The following COL22A1 variants were observed in gnomAD, a reference collection of about 807,000 sequenced individuals.
The protein encoded by COL22A1 is collagen type XXII alpha 1 chain.
In COL22A1, 221 loss-of-function variants were observed where a neutral mutation model predicts 248.9. The ratio of observed to expected loss-of-function variants is 0.89; its 90% CI spans 0.80 to 0.99. The LOEUF (loss-of-function observed/expected upper bound fraction) is 0.99, where lower values mean the gene tolerates loss of function less well. Among genes scored for constraint, COL22A1 ranks in the 50% least tolerant of loss-of-function variants. The pLI is 0.00. For synonymous variants in COL22A1, 891 were observed against 793.4 expected, an observed-to-expected ratio of 1.12 and a Z score of -2.07; for missense variants, 2,240 against 2,179.0, an observed-to-expected ratio of 1.03 and a Z score of -0.56.
At chr8:138,829,028 G>A (rs895994077) in intron 5 of COL22A1, among the ~76,000 whole-genome samples, 1 of 152,234 alleles carries the variant, frequency 6.6e-6, no homozygotes, top group Non-Finnish European at 1.5e-5. Context: ...GACAGGAAGG[G>A]AAGTGGGGAG....
chr8:138,758,053 C>T (rs745774131), intron 18 of COL22A1, among the ~76,000 whole-genome samples: 48 of 152,208 alleles, frequency 3.2e-4, no homozygotes, highest in Non-Finnish European at 5.7e-4. Flanking sequence ...TCCCTCCTTT[C>T]CCCCAACCTT....
intron 32 of COL22A1, among the ~76,000 whole-genome samples, chr8:138,696,295 A>T (rs1827496577): frequency 6.6e-6 from 1 of 152,158 alleles, no homozygotes; most frequent in Non-Finnish European, 1.5e-5. Context: ...GCCACAGATA[A>T]GCCCAAGGAG....
chr8:138,854,507 C>G (rs1821869600), intron 3 of COL22A1, among the ~76,000 whole-genome samples: 1 of 152,158 alleles, frequency 6.6e-6, no homozygotes, highest in Non-Finnish European at 1.5e-5. Flanking sequence ...GGCTCAAGGC[C>G]AGGTCTGACT....
chr8:138,665,342 G>A (rs1824406479), intron 41 of COL22A1, among the ~76,000 whole-genome samples: 1 of 152,212 alleles, frequency 6.6e-6, no homozygotes, highest in South Asian at 2.1e-4. Flanking sequence ...CCTTCAGTAG[G>A]TTATAGCAGG....
chr8:138,774,857 C>A (rs150302139), intron 16 of COL22A1, among the ~76,000 whole-genome samples: 193 of 152,282 alleles, frequency 1.3e-3, no homozygotes, highest in Non-Finnish European at 2.3e-3. Context: ...TCTACAGCAG[C>A]ACGGAGAAAA....
rs1563717259 is a variant in COL22A1 at position 138,755,228 on chromosome 8, A to G, written c.1978-18T>C. ...GGAGCTCCCTGGTAACACAAGCCAA[A>G]CAGATGTTTAGTCATGACTTTTCCC... On this transcript the variant is annotated intron_variant, in intron 20 of 64. Transcript: ENST00000303045. 2 of 1,613,200 alleles carry G rather than the reference A, an allele frequency of 1.2e-6. No individual in the cohort carries two copies. The highest frequency in any genetic ancestry group is 8.5e-7 in the Non-Finnish European group (1 of 1,179,268).
At chr8:138,867,346 C>T (rs1194733775) in intron 3 of COL22A1, among the ~76,000 whole-genome samples, 1 of 152,182 alleles carries the variant, frequency 6.6e-6, no homozygotes, top group Non-Finnish European at 1.5e-5. Context: ...CTGCTCAACT[C>T]CCTCTCTGTG....
chr8:138,628,057 AT>A (rs1476720705), intron 50 of COL22A1, among the ~76,000 whole-genome samples: 1 of 152,186 alleles, frequency 6.6e-6, no homozygotes, highest in Non-Finnish European at 1.5e-5. Flanking sequence ...ATTGTTATAC[AT>A]ATGTTGTTAT....
Position 138,594,188 on chromosome 8 carries a change from A to G in COL22A1, c.4444T>C (p.Tyr1482His). The change falls in exon 63 of 65, where the codon TAC becomes CAC. Residue 1482 changes from tyrosine (Y) to histidine (H), a missense_variant. Tyr to His is a moderately conservative substitution (Grantham distance 83, BLOSUM62 2). Coordinates refer to ENST00000303045, the MANE Select transcript of COL22A1 (RefSeq NM_152888.3). ...GCCGGGGGCATCTGGGCCAGGAGGT[A>G]GGCGAGTCTGGCTGTAAAGTAGAAA... ...LGKQLETRLA[Y>H]LLAQMPPAYM... 6.4e-7 allele frequency: 1 copy of G among 1,571,686 alleles called. No individual in the cohort carries two copies. The highest frequency in any genetic ancestry group is 8.6e-7 in the Non-Finnish European group (1 of 1,164,632).
intron 6 of COL22A1, among the ~76,000 whole-genome samples, chr8:138,822,233 A>T (rs565018184): frequency 6.6e-6 from 1 of 152,246 alleles, no homozygotes; most frequent in South Asian, 2.1e-4. Flanking sequence ...TGATTTTAGT[A>T]GAGACAAGGT....
chr8:138,691,468 T>C (rs1826868835), intron 35 of COL22A1, among the ~76,000 whole-genome samples: 1 of 141,192 alleles, frequency 7.1e-6, no homozygotes, highest in African/African-American at 2.6e-5. Context: ...CGTCCGTGTG[T>C]GCATGTTTGT....
chr8:138,682,404 A>C (rs554445428), intron 39 of COL22A1, among the ~76,000 whole-genome samples: 230 of 152,362 alleles, frequency 1.5e-3, no homozygotes, highest in African/African-American at 5.3e-3. Flanking sequence ...AAAAGAAGTA[A>C]TATAATTTTA....
intron 30 of COL22A1, among the ~76,000 whole-genome samples, chr8:138,712,822 T>TGTTCTACCAGCAGAGGGTAAGG (rs1201081780): frequency 1.3e-5 from 2 of 151,554 alleles, no homozygotes; most frequent in African/African-American, 4.9e-5. Flanking sequence ...AGAGGGTAAG[T>TGTTCTACCAGCAGAGGGTAAGG]GTTCTACCAG....
At chr8:138,725,329 C>T in intron 24 of COL22A1, 58 bp downstream of exon 24, 7 of 1,553,922 alleles carry the variant, frequency 4.5e-6, no homozygotes, top group Admixed American at 3.3e-5. Flanking sequence ...TCCCCAGGTC[C>T]CACAGGCCAG....
At chr8:138,716,022 C>T (rs1025970936) in intron 29 of COL22A1, among the ~76,000 whole-genome samples, 1 of 152,176 alleles carries the variant, frequency 6.6e-6, no homozygotes, top group Admixed American at 6.5e-5. Context: ...TTTCCAGAGA[C>T]ATCTCCCAGC....
intron 1 of COL22A1, among the ~76,000 whole-genome samples, chr8:138,899,746 AC>A (rs764705436): frequency 1.3e-5 from 2 of 151,742 alleles, no homozygotes; most frequent in Non-Finnish European, 2.9e-5. Flanking sequence ...CTGGTCTTAA[AC>A]CCCTGACCTC....
chr8:138,660,803 GACACACAT>G (rs1189754478), intron 43 of COL22A1, among the ~76,000 whole-genome samples: 2,176 of 81,478 alleles, frequency 0.027, 32 homozygotes, highest in Middle Eastern at 0.076. Flanking sequence ...CAGACACACA[GACACACAT>G]ACACACATAC....
intron 10 of COL22A1, among the ~76,000 whole-genome samples, chr8:138,806,084 G>GTGTGATGGTGTAGT (rs1563788355): frequency 1.0e-4 from 1 of 9,696 alleles, no homozygotes; most frequent in African/African-American, 3.9e-4. Flanking sequence ...GATGGTGTGT[G>GTGTGATGGTGTAGT]TAATGGTGTG....
chr8:138,756,160 T>C (rs935236700), intron 18 of COL22A1, among the ~76,000 whole-genome samples: 1 of 152,210 alleles, frequency 6.6e-6, no homozygotes, highest in African/African-American at 2.4e-5. Flanking sequence ...AGCAGCCTCA[T>C]TGAGCCCCTG....
Sources: gnomAD v4.1 joint callset for allele counts (sites outside exome capture counted in the v4.1 genomes callset) on GRCh38, gnomAD v4.1.1 for gene constraint, MANE v1.5 for transcripts, NCBI Gene and HGNC (gene_info 2026-07-23, HGNC 2026-07-21) for gene names.